DAPK1: variants seen among roughly 807,000 people sequenced by gnomAD.
The protein encoded by DAPK1 is death-associated protein kinase 1.
DAPK1 carries 56 observed loss-of-function variants against 144.9 expected under a neutral mutation model. The ratio of observed to expected loss-of-function variants is 0.39; its 90% CI spans 0.31 to 0.48. DAPK1 has a LOEUF of 0.48. Among genes scored for constraint, DAPK1 ranks in the 20% least tolerant of loss-of-function variants. The pLI, the probability that DAPK1 is intolerant of heterozygous loss-of-function variation, is 0.95. For synonymous variants in DAPK1, 690 were observed against 749.0 expected (o/e 0.92, Z 1.29); for missense variants, 1,454 against 1,875.4 (o/e 0.78, Z 4.15).
chr9:87,534,257 T>TC (rs1825792300), intron 2 of DAPK1, among the ~76,000 whole-genome samples: 2 of 34,946 alleles, frequency 5.7e-5, no homozygotes, highest in Non-Finnish European at 9.7e-5. Context: ...TTTTTTTTTT[T>TC]GTTTTTTTTT....
intron 3 of DAPK1, among the ~76,000 whole-genome samples, chr9:87,637,020 T>G (rs897561510): frequency 2.0e-5 from 3 of 152,138 alleles, no homozygotes; most frequent in African/African-American, 7.2e-5. Flanking sequence ...CTCCACCCAC[T>G]TACAGTCTGG....
chr9:87,682,806 G>T (rs1824688003), intron 20 of DAPK1, among the ~76,000 whole-genome samples: 1 of 152,156 alleles, frequency 6.6e-6, no homozygotes, highest in Non-Finnish European at 1.5e-5. Context: ...TTTCCCTGCA[G>T]CCTTGAGGGG....
chr9:87,527,161 A>C (rs1825541981), intron 2 of DAPK1, among the ~76,000 whole-genome samples: 1 of 151,912 alleles, frequency 6.6e-6, no homozygotes, highest in Non-Finnish European at 1.5e-5. Flanking sequence ...CTGTCTCTTT[A>C]GGTGTTGGTC....
At chr9:87,536,513 T>G (rs1825865249) in intron 2 of DAPK1, among the ~76,000 whole-genome samples, 1 of 152,022 alleles carries the variant, frequency 6.6e-6, no homozygotes, top group African/African-American at 2.4e-5. Flanking sequence ...GCAAGTCATG[T>G]GGGAATTGTA....
Position 87,499,032 on chromosome 9 carries a change from G to T in DAPK1, c.-46G>T. Reference sequence around the variant, plus strand: ...AGGAGCGGTGGTGATGGTCTGGGAAGCGGAGCTGAAGTGCCCTGGGCTTTG... The same window carrying T: ...AGGAGCGGTGGTGATGGTCTGGGAATCGGAGCTGAAGTGCCCTGGGCTTTG... On this transcript the variant is annotated 5_prime_UTR_variant, in exon 2 of 26. Coordinates refer to ENST00000408954, the MANE Select transcript of DAPK1 (RefSeq NM_004938.4). The T allele has an allele frequency of 6.4e-7, 1 of 1,570,458 alleles. No homozygotes were observed. The highest frequency in any genetic ancestry group is 8.8e-7 in the Non-Finnish European group (1 of 1,140,376).
chr9:87,498,997 A>G lies in DAPK1; in HGVS notation c.-81A>G, dbSNP rs377045692. The G allele has an allele frequency of 5.3e-4, 599 of 1,120,044 alleles. 6 individuals carry two copies. The South Asian group carries it at 7.2e-3, about 13-fold the overall frequency. 69.4% of individuals were successfully genotyped at this position (1,120,044 alleles called of 1,614,324 possible). On this transcript the variant is annotated 5_prime_UTR_variant, in exon 2 of 26. Transcript: ENST00000408954. Reference sequence around the variant, plus strand: ...CTGGAGACTGATGCATGAGGGGGCTACGGAGGCGCAGGAGCGGTGGTGATG... The same window carrying G: ...CTGGAGACTGATGCATGAGGGGGCTGCGGAGGCGCAGGAGCGGTGGTGATG...
chr9:87,666,548 A>G (rs1831060776), intron 18 of DAPK1, among the ~76,000 whole-genome samples: 4 of 149,408 alleles, frequency 2.7e-5, no homozygotes, highest in Admixed American at 2.0e-4. Flanking sequence ...ATCTTGGCTC[A>G]CTGCAACCTC....
intron 12 of DAPK1, 91 bp from the exon 13 acceptor site, chr9:87,646,370 G>A (rs1261679768): frequency 1.1e-6 from 1 of 927,620 alleles, no homozygotes; most frequent in Non-Finnish European, 1.7e-6. Context: ...TGTTGAGACA[G>A]GGGAAGGTGT....
In DAPK1 at chr9:87,639,906, A is replaced by G. The variant is rs1266203189; in HGVS notation, c.629+91A>G. 6.8e-5 allele frequency: 93 copies of G among 1,358,768 alleles called. 1 individual carries two copies. Among genetic ancestry groups the G allele is most frequent in the Non-Finnish European group, 9.0e-5 (87 of 968,912 alleles). 84.2% of individuals were successfully genotyped at this position (1,358,768 alleles called of 1,614,324 possible). ...TTAAATGTGCTGTGTTGATCTCTTCAGCTTATGCATGCTTTTGATGCAAAC... is the reference window on the plus strand; with the variant it reads ...TTAAATGTGCTGTGTTGATCTCTTCGGCTTATGCATGCTTTTGATGCAAAC... On this transcript the variant is annotated intron_variant, in intron 7 of 25. Transcript: ENST00000408954.
At chr9:87,513,717 G>T (rs547355279) in intron 2 of DAPK1, among the ~76,000 whole-genome samples, 1 of 152,204 alleles carries the variant, frequency 6.6e-6, no homozygotes, top group East Asian at 1.9e-4. Context: ...GTGGTGGGTG[G>T]TGCAGCTCAT....
chr9:87,693,461 T>C (rs1825147434), intron 21 of DAPK1, among the ~76,000 whole-genome samples: 3 of 152,124 alleles, frequency 2.0e-5, no homozygotes, highest in Non-Finnish European at 2.9e-5. Context: ...ATATTCTGAG[T>C]TGTTTTTCTG....
At chr9:87,501,451 A>G (rs1587662032) in intron 2 of DAPK1, among the ~76,000 whole-genome samples, 1 of 152,226 alleles carries the variant, frequency 6.6e-6, no homozygotes, top group Non-Finnish European at 1.5e-5. Flanking sequence ...AGGCTGAGGC[A>G]TGAGAATCGC....
intron 3 of DAPK1, among the ~76,000 whole-genome samples, chr9:87,614,254 A>C (rs932293477): frequency 1.3e-5 from 2 of 152,218 alleles, no homozygotes; most frequent in African/African-American, 4.8e-5. Context: ...GAGTCTTACA[A>C]ACAAACCCTA....
chr9:87,692,952 C>CTTTTATTTTTTTTT (rs1825118939), intron 21 of DAPK1, among the ~76,000 whole-genome samples: 1 of 26,380 alleles, frequency 3.8e-5, no homozygotes, highest in Non-Finnish European at 8.1e-5. Flanking sequence ...AGTGACTAGA[C>CTTTTATTTTTTTTT]TTTTTTTTTT....
intron 10 of DAPK1, among the ~76,000 whole-genome samples, chr9:87,642,858 C>T (rs945669658): frequency 2.0e-5 from 3 of 152,194 alleles, no homozygotes; most frequent in Admixed American, 2.0e-4. Flanking sequence ...TGTACTTTTG[C>T]CTTAGAGAGT....
At chr9:87,551,065 C>T (rs1274765795) in intron 2 of DAPK1, among the ~76,000 whole-genome samples, 2 of 152,204 alleles carry the variant, frequency 1.3e-5, no homozygotes, top group Non-Finnish European at 2.9e-5. Context: ...TTCCCCAGTG[C>T]TGCTTCAGTC....
At chr9:87,565,972 T>C (rs1161663093) in intron 2 of DAPK1, among the ~76,000 whole-genome samples, 1 of 151,924 alleles carries the variant, frequency 6.6e-6, no homozygotes, top group Admixed American at 6.6e-5. Flanking sequence ...ACACAGCATT[T>C]AGTGGCAGTG....
At chr9:87,691,552 T>C (rs1159329342) in intron 21 of DAPK1, among the ~76,000 whole-genome samples, 1 of 152,094 alleles carries the variant, frequency 6.6e-6, no homozygotes, top group Non-Finnish European at 1.5e-5. Flanking sequence ...TTGTTTTTGC[T>C]TCTCTAGTTC....
At chr9:87,529,430 TAA>T (rs1257796423) in intron 2 of DAPK1, among the ~76,000 whole-genome samples, 1 of 152,208 alleles carries the variant, frequency 6.6e-6, no homozygotes, top group Non-Finnish European at 1.5e-5. Context: ...ATTTATCTTT[TAA>T]ATTAAAAATT....
Sources: allele counts gnomAD v4.1 joint callset (sites outside exome capture counted in the v4.1 genomes callset), GRCh38; gene constraint gnomAD v4.1.1; transcripts MANE v1.5; gene names NCBI Gene and HGNC (gene_info 2026-07-23, HGNC 2026-07-21).